B3GALNT2: variants seen among roughly 807,000 people sequenced by gnomAD.
The protein encoded by B3GALNT2 is beta-1,3-N-acetylgalactosaminyltransferase 2.
A neutral mutation model predicts 61.1 loss-of-function variants in B3GALNT2; 53 were observed. The observed-to-expected ratio is 0.87, with a 90% CI of 0.70 to 1.09. The LOEUF (loss-of-function observed/expected upper bound fraction) is 1.09. Among genes scored for constraint, B3GALNT2 ranks in the 50% least tolerant of loss-of-function variants. The pLI, the probability that B3GALNT2 is intolerant of heterozygous loss-of-function variation, is 0.00. For missense variants in B3GALNT2, 544 were observed against 623.0 expected (o/e 0.87, Z 1.35); for synonymous variants, 223 against 237.4 (o/e 0.94, Z 0.56).
Position 235,455,579 on chromosome 1 carries a change from C to G in B3GALNT2, c.1131G>C (p.Gly377=). The G allele has an allele frequency of 1.9e-6, 3 of 1,612,840 alleles. No homozygotes were observed. The highest frequency in any genetic ancestry group is 2.5e-6 in the Non-Finnish European group (3 of 1,178,862). The change falls in exon 9 of 12, where the codon GGG becomes GGC. Residue 377 remains glycine (G), a synonymous_variant. Transcript: ENST00000366600. ...FNRIVQKNLD[G]PNFWWGNFRL... The stretch of plus-strand genomic sequence containing the variant: ...CTTACTTTCCCCACCAAAAATTAGG[C>G]CCATCCAGATTCTTTTGGACAATCC...
Position 235,454,234 on chromosome 1 carries a change from T to C in B3GALNT2, c.1233A>G (p.Ala411=). Residue 411 remains alanine, a synonymous_variant, in exon 10 of 12, where the codon GCA becomes GCG. Transcript: ENST00000366600. ...TGGAGATCACATATCCTGACCCACA[T>C]GCAAAGGCAGGGTAAGCGGGGCTCG... ...EYPSPAYPAF[A]CGSGYVISKD... 6.2e-7 allele frequency: 1 copy of C among 1,613,720 alleles called. No individual in the cohort carries two copies. Among genetic ancestry groups the C allele is most frequent in the South Asian group, 1.1e-5 (1 of 91,050 alleles).
At chr1:235,464,455 C>T (rs182623382) in intron 7 of B3GALNT2, 20 of 148,390 alleles carry the variant, frequency 1.3e-4, no homozygotes, top group African/African-American at 4.7e-4. Flanking sequence ...ACCACCTTCT[C>T]CCTCTCTCCA....
intron 6 of B3GALNT2, 88 bp downstream of exon 6, chr1:235,470,762 C>T (rs894645245): frequency 5.4e-5 from 82 of 1,520,410 alleles, no homozygotes; most frequent in Non-Finnish European, 4.4e-6. Flanking sequence ...CTCCATGCTG[C>T]CTGGGCTCTA....
rs1274105291 is a variant in B3GALNT2 at position 235,448,525 on chromosome 1, T to TGATTCTA, written c.*1674_*1680dup. The TGATTCTA allele has an allele frequency of 9.7e-6, 14 of 1,436,672 alleles. No homozygotes were observed. The highest frequency in any genetic ancestry group is 1.4e-5 in the African/African-American group (1 of 71,346). 89.0% of individuals were successfully genotyped at this position (1,436,672 alleles called of 1,614,324 possible). A position where few individuals can be genotyped will look rare whatever the true frequency, so the allele number is the denominator to read the frequency against. ...AAACTGTCTCTAGATAGCAACAGTTTGATTCTAAATGGAGACCATGGGTCT... is the reference window on the plus strand; with the variant it reads ...AAACTGTCTCTAGATAGCAACAGTTTGATTCTAGATTCTAAATGGAGACCATGGGTCT... On this transcript the variant is annotated 3_prime_UTR_variant, in exon 12 of 12. Coordinates refer to ENST00000366600, the MANE Select transcript of B3GALNT2 (RefSeq NM_152490.5).
rs747750455 is a variant in B3GALNT2 at position 235,503,217 on chromosome 1, T to C, written c.112+924A>G. ...GGGGAGAGATGGTAAGGGAAAAAAG[T>C]CCCAGTATAGTTACAAAATTAAGTA... is the stretch of plus-strand genomic sequence containing the variant. On this transcript the variant is annotated intron_variant, in intron 1 of 11. Transcript: ENST00000366600. Among the ~76,000 whole-genome samples, 85 of 152,188 alleles carry C rather than the reference T, an allele frequency of 5.6e-4. 1 individual carries two copies. The highest frequency in any genetic ancestry group is 1.9e-4 in the Non-Finnish European group (13 of 68,036).
intron 5 of B3GALNT2, among the ~76,000 whole-genome samples, chr1:235,477,609 T>C (rs1453255115): frequency 8.5e-6 from 1 of 117,932 alleles, no homozygotes; most frequent in Admixed American, 1.1e-4. Context: ...CAGATAATTA[T>C]TTGCTGGGGC....
chr1:235,483,279 G>A (rs1284092794), intron 4 of B3GALNT2, among the ~76,000 whole-genome samples: 1 of 152,108 alleles, frequency 6.6e-6, no homozygotes, highest in Non-Finnish European at 1.5e-5. Flanking sequence ...AATACCAAAA[G>A]ATCTAACATA....
chr1:235,483,776 A>T (rs1684665005), intron 4 of B3GALNT2, among the ~76,000 whole-genome samples: 1 of 152,208 alleles, frequency 6.6e-6, no homozygotes, highest in Non-Finnish European at 1.5e-5. Context: ...AAACTAAAAA[A>T]CAGATCCTTC....
Position 235,450,269 on chromosome 1 carries a change from T to G in B3GALNT2, c.1440A>C (p.Glu480Asp). 1 of 1,614,022 alleles carries G rather than the reference T, an allele frequency of 6.2e-7. No homozygotes were observed. The highest frequency in any genetic ancestry group is 8.5e-7 in the Non-Finnish European group (1 of 1,179,860). ...CCTTCAGTTTCCACAGTTCCGTCAG[T>G]TCCCACGGAGAATACTGAGGAGAAG... ...MLSSPQYSPW[E>D]LTELWKLKER... Residue 480 changes from glutamate to aspartate, a missense_variant, in exon 12 of 12, where the codon GAA becomes GAC. Glu to Asp is a conservative substitution (Grantham distance 45). Transcript: ENST00000366600.
rs57291873 is a variant in B3GALNT2, at chr1:235,498,843, C to CAAAAAAAAAA, written c.113-4025_113-4016dup. Among the ~76,000 whole-genome samples, 303 of 64,100 alleles carry CAAAAAAAAAA rather than the reference C, an allele frequency of 4.7e-3. 12 individuals are homozygous for CAAAAAAAAAA. The East Asian group carries it at 0.05, about 11-fold the overall frequency. 42.1% of individuals were successfully genotyped at this position (64,100 alleles called of 152,430 possible). On this transcript the variant is annotated intron_variant, in intron 1 of 11. Transcript: ENST00000366600. ...TGGGTGACAGAGCTAGACTCCTTCT[C>CAAAAAAAAAA]AAAAAAAAAAAAAAAAAAAAAAAAA...
chr1:235,457,591 G>C (rs1429599156), intron 8 of B3GALNT2, among the ~76,000 whole-genome samples: 1 of 152,166 alleles, frequency 6.6e-6, no homozygotes, highest in Non-Finnish European at 1.5e-5. Flanking sequence ...AGAAACACTG[G>C]AGGGTCTGGG....
At chr1:235,475,291 C>T (rs1178436824) in intron 5 of B3GALNT2, among the ~76,000 whole-genome samples, 2 of 151,666 alleles carry the variant, frequency 1.3e-5, no homozygotes, top group Non-Finnish European at 2.9e-5. Context: ...GCCACCACGC[C>T]CAGCCAAAAC....
intron 1 of B3GALNT2, chr1:235,496,258 C>A (rs1005235459): frequency 2.3e-5 from 9 of 392,706 alleles, no homozygotes; most frequent in Non-Finnish European, 3.6e-5. Flanking sequence ...TTGGGGTGAG[C>A]CGAGACCGCG....
chr1:235,487,353 T>C (rs1452482678), intron 3 of B3GALNT2, among the ~76,000 whole-genome samples: 2 of 152,196 alleles, frequency 1.3e-5, no homozygotes, highest in African/African-American at 4.8e-5. Flanking sequence ...CCCAGCTTTA[T>C]AAAATAGCAG....
At chr1:235,490,866 A>G (rs73116639) in intron 2 of B3GALNT2, among the ~76,000 whole-genome samples, 34,943 of 151,896 alleles carry the variant, frequency 0.23, 4,948 homozygotes, top group East Asian at 0.53. Flanking sequence ...GCTACTGCTT[A>G]TCTTTCCCCC....
At position 235,484,474 on chromosome 1, in the gene B3GALNT2, T is replaced by G; in HGVS notation, c.403A>C (p.Thr135Pro). 1 of 1,614,206 alleles carries G rather than the reference T, an allele frequency of 6.2e-7. No individual in the cohort carries two copies. ...EIEAFSLSED[T>P]SSGLPEDRVV... ...CGATCCTCAGGCAGCCCCGATGAAG[T>G]GTCTTCGGACAGACTGAACGCTTCA... is the stretch of plus-strand genomic sequence containing the variant. The change falls in exon 4 of 12, where the codon ACT becomes CCT. Residue 135 changes from threonine (T) to proline (P), a missense_variant. Coordinates refer to ENST00000366600, the MANE Select transcript of B3GALNT2 (RefSeq NM_152490.5).
At chr1:235,465,310 G>A (rs1011172007) in intron 7 of B3GALNT2, 13 of 236,966 alleles carry the variant, frequency 5.5e-5, no homozygotes, top group African/African-American at 1.8e-4. Flanking sequence ...CACAGAGTAC[G>A]TACTGTGCAT....
intron 2 of B3GALNT2, among the ~76,000 whole-genome samples, chr1:235,493,022 T>C (rs1173537609): frequency 6.6e-6 from 1 of 152,174 alleles, no homozygotes; most frequent in Non-Finnish European, 1.5e-5. Flanking sequence ...ATTTGACTAA[T>C]TTTAAAAGGA....
chr1:235,482,149 A>G (rs1215838974), intron 4 of B3GALNT2, among the ~76,000 whole-genome samples: 1 of 152,218 alleles, frequency 6.6e-6, no homozygotes, highest in Non-Finnish European at 1.5e-5. Flanking sequence ...AACATAAAAA[A>G]CAATGATTTG....
Sources: allele counts gnomAD v4.1 joint callset (sites outside exome capture counted in the v4.1 genomes callset), GRCh38; gene constraint gnomAD v4.1.1; transcripts MANE v1.5; gene names NCBI Gene and HGNC (gene_info 2026-07-23, HGNC 2026-07-21).